CFAP70: variants seen among roughly 807,000 people sequenced by gnomAD.
The protein encoded by CFAP70 is cilia- and flagella-associated protein 70.
In CFAP70, 81 loss-of-function variants were observed where a neutral mutation model predicts 137.6. That is an observed-to-expected ratio of 0.59 (90% CI 0.49 to 0.71). The LOEUF (loss-of-function observed/expected upper bound fraction) is 0.71, where lower values mean the gene tolerates loss of function less well. Among genes scored for constraint, CFAP70 ranks in the 30% least tolerant of loss-of-function variants. The probability of loss-of-function intolerance (pLI) is 0.00; values close to 1 mark genes in which losing one functional copy is unlikely to be tolerated. For missense variants in CFAP70, 976 were observed against 1,226.7 expected (o/e 0.80, Z 3.05); for synonymous variants, 382 against 423.6 (o/e 0.90, Z 1.20).
chr10:73,265,351 G>T (rs2045661714), intron 25 of CFAP70, among the ~76,000 whole-genome samples: 1 of 151,086 alleles, frequency 6.6e-6, no homozygotes, highest in African/African-American at 2.4e-5. Context: ...AAGAAGAAGA[G>T]ATTCATGTAT....
chr10:73,335,216 G>A (rs2132342231), intron 7 of CFAP70, among the ~76,000 whole-genome samples: 1 of 151,902 alleles, frequency 6.6e-6, no homozygotes, highest in East Asian at 1.9e-4. Flanking sequence ...TATAAAAGAG[G>A]AATAAGCATT....
At chr10:73,312,605 A>G (rs1321145944) in exon 10 of CFAP70, 1 of 1,604,502 alleles carries the variant, frequency 6.2e-7, no homozygotes, top group Non-Finnish European at 8.5e-7. Flanking sequence ...GAATCAAGTG[A>G]TGGCCAATAT....
chr10:73,254,029 A>C, exon 27 of CFAP70: 1 of 1,589,760 alleles, frequency 6.3e-7, no homozygotes, highest in South Asian at 1.1e-5. Context: ...GGATCTCTGC[A>C]AGCAGAGCCT....
chr10:73,335,060 CTTTTT>C (rs547226854), intron 7 of CFAP70, among the ~76,000 whole-genome samples: 7 of 118,332 alleles, frequency 5.9e-5, no homozygotes, highest in South Asian at 5.2e-4. Flanking sequence ...TCTTCTTCTT[CTTTTT>C]TTTTTTTTTT....
exon 6 of CFAP70, chr10:73,341,533 C>T (rs2053251832): frequency 1.2e-6 from 2 of 1,614,120 alleles, no homozygotes; most frequent in Non-Finnish European, 1.7e-6. Flanking sequence ...GGTTCCCTTT[C>T]CCCTCCAAGC....
intron 19 of CFAP70, among the ~76,000 whole-genome samples, chr10:73,288,885 C>G (rs2047945401): frequency 6.6e-6 from 1 of 152,158 alleles, no homozygotes; most frequent in South Asian, 2.1e-4. Context: ...CATGGTTTCC[C>G]TATATAGCCT....
intron 12 of CFAP70, among the ~76,000 whole-genome samples, chr10:73,309,563 TTTCAAAGTGCTGGGA>T (rs1274097172): frequency 6.6e-6 from 1 of 151,992 alleles, no homozygotes; most frequent in African/African-American, 2.4e-5. Flanking sequence ...CGCCTTGGCC[TTTCAAAGTGCTGGGA>T]TTCAAAGTGC....
At chr10:73,334,295 T>A (rs1184111988) in intron 7 of CFAP70, among the ~76,000 whole-genome samples, 2 of 152,212 alleles carry the variant, frequency 1.3e-5, no homozygotes, top group Non-Finnish European at 2.9e-5. Flanking sequence ...CCTTCTTGCA[T>A]CTAGAGGTTG....
exon 10 of CFAP70, chr10:73,312,483 G>C (rs1242562689): frequency 6.2e-7 from 1 of 1,603,784 alleles, no homozygotes; most frequent in Non-Finnish European, 8.5e-7. Flanking sequence ...CACATCCCCA[G>C]GCCTAGGCCT....
intron 19 of CFAP70, among the ~76,000 whole-genome samples, chr10:73,280,221 C>T (rs2047161199): frequency 6.6e-6 from 1 of 151,782 alleles, no homozygotes; most frequent in African/African-American, 2.4e-5. Context: ...ATAATCCCAG[C>T]TATTTGGGAA....
intron 19 of CFAP70, among the ~76,000 whole-genome samples, chr10:73,284,153 A>C (rs759582111): frequency 7.9e-5 from 12 of 152,178 alleles, no homozygotes; most frequent in Admixed American, 1.3e-4. Flanking sequence ...GGGAGAATTT[A>C]TTTCCTTGCC....
Position 73,254,175 on chromosome 10 carries a change from G to A in CFAP70, c.3076-120C>T, listed in dbSNP as rs979004743. 5 of 683,608 alleles carry A rather than the reference G, an allele frequency of 7.3e-6. 1 individual carries two copies. Among genetic ancestry groups the A allele is most frequent in the South Asian group, 7.2e-5 (2 of 27,638 alleles). 42.3% of individuals were successfully genotyped at this position (683,608 alleles called of 1,614,324 possible). A position where few individuals can be genotyped will look rare whatever the true frequency, so the allele number is the denominator to read the frequency against. Reference sequence around the variant, plus strand: ...GAACATAGTTCCCTGGGATGGAATTGGCTCTTCCTATTTCCCTACTTCATG... The same window carrying A: ...GAACATAGTTCCCTGGGATGGAATTAGCTCTTCCTATTTCCCTACTTCATG... On this transcript the variant is annotated intron_variant, in intron 26 of 26. Transcript: ENST00000310715.
chr10:73,357,008 G>A (rs1056142043), intron 1 of CFAP70, among the ~76,000 whole-genome samples: 1 of 152,166 alleles, frequency 6.6e-6, no homozygotes, highest in Non-Finnish European at 1.5e-5. Flanking sequence ...GACGAGAGAC[G>A]TGTAACTAGA....
chr10:73,254,784 C>T (rs1173774326), intron 26 of CFAP70, among the ~76,000 whole-genome samples: 1 of 152,162 alleles, frequency 6.6e-6, no homozygotes, highest in East Asian at 1.9e-4. Context: ...TAGTAAGCTA[C>T]GCTGGCTGTC....
chr10:73,359,903 A>AACAC (rs573807541), upstream of CFAP70, among the ~76,000 whole-genome samples: 2 of 151,554 alleles, frequency 1.3e-5, no homozygotes, highest in African/African-American at 2.4e-5. Flanking sequence ...ACTAAAAAAA[A>AACAC]ACACACACAC....
chr10:73,350,694 G>A (rs2054121148), intron 3 of CFAP70, among the ~76,000 whole-genome samples: 1 of 151,898 alleles, frequency 6.6e-6, no homozygotes, highest in East Asian at 1.9e-4. Flanking sequence ...TTAATTCCAT[G>A]ATTTCTTATG....
intron 26 of CFAP70, among the ~76,000 whole-genome samples, chr10:73,255,297 G>A (rs2044370637): frequency 6.6e-6 from 1 of 152,170 alleles, no homozygotes; most frequent in African/African-American, 2.4e-5. Flanking sequence ...TCAGGAGGCT[G>A]AAGCGGAGAA....
chr10:73,304,036 A>G (rs999958394), intron 12 of CFAP70, among the ~76,000 whole-genome samples: 3 of 151,156 alleles, frequency 2.0e-5, no homozygotes, highest in African/African-American at 7.3e-5. Context: ...TATTACTTTT[A>G]TTTTGTATGT....
intron 8 of CFAP70, 121 bp from the exon 10 acceptor site, chr10:73,323,218 T>C (rs1341592177): frequency 1.9e-5 from 18 of 930,262 alleles, no homozygotes; most frequent in Middle Eastern, 4.6e-4. Flanking sequence ...TAGCCAGTTA[T>C]GTGACTTTGG....
Sources: allele counts gnomAD v4.1 joint callset (sites outside exome capture counted in the v4.1 genomes callset), GRCh38; gene constraint gnomAD v4.1.1; transcripts MANE v1.5; gene names NCBI Gene and HGNC (gene_info 2026-07-23, HGNC 2026-07-21).